Variants in BTBD8 observed in about 807,000 individuals in gnomAD.
BTBD8 encodes the protein BTB domain containing 8, also known as BTB/POZ domain-containing protein 8.
Under a neutral mutation model 162.9 loss-of-function variants are expected in BTBD8, and 110 were observed. The observed-to-expected ratio is 0.68, with a 90% CI of 0.58 to 0.79. BTBD8 has a LOEUF of 0.79. BTBD8 is among the 30% of genes least tolerant of loss of function. BTBD8 has a pLI of 0.00. For missense variants in BTBD8, 1,905 were observed against 2,085.4 expected, an observed-to-expected ratio of 0.91 and a Z score of 1.68; for synonymous variants, 667 against 716.1, an observed-to-expected ratio of 0.93 and a Z score of 1.10.
At position 92,184,144 on chromosome 1, in the gene BTBD8, G is replaced by A; in HGVS notation, c.5193G>A (p.Gln1731=). Residue 1731 remains glutamine, a synonymous_variant, in exon 18 of 18, where the codon CAG becomes CAA. Transcript: ENST00000636805. ...GTTTAGCACAGTATCTAATCAATCA[G>A]ACACTACTTTTAGCACGAGATAGCT... is the stretch of plus-strand genomic sequence containing the variant. ...DLSLAQYLIN[Q]TLLLARDSSK... 1 of 1,551,604 alleles carries A rather than the reference G, an allele frequency of 6.4e-7. No homozygotes were observed. The highest frequency in any genetic ancestry group is 2.4e-5 in the East Asian group (1 of 40,914).
chr1:92,139,353 A>C lies in BTBD8; in HGVS notation c.756A>C (p.Ile252=), dbSNP rs1448025962. 3.2e-6 allele frequency: 5 copies of C among 1,573,498 alleles called. No individual in the cohort carries two copies. Among genetic ancestry groups the C allele is most frequent in the Non-Finnish European group, 4.3e-6 (5 of 1,168,698 alleles). Residue 252 remains isoleucine (I), a synonymous_variant, in exon 6 of 18, where the codon ATA becomes ATC. Coordinates refer to ENST00000636805, the MANE Select transcript of BTBD8 (RefSeq NM_001376131.1). ...SSQEYVTLQG[I]SHVELNVMMH... ...TGAGTTTTCTTTTATTTTTCAGTAT[A>C]AGCCATGTAGAACTGAATGTTATGA...
intron 5 of BTBD8, among the ~76,000 whole-genome samples, chr1:92,132,193 C>T (rs781675994): frequency 1.3e-4 from 20 of 152,148 alleles, no homozygotes; most frequent in Non-Finnish European, 2.8e-4. Context: ...AAACACATGG[C>T]ATAGGATTGG....
At chr1:92,111,857 T>G (rs1453098360) in intron 4 of BTBD8, among the ~76,000 whole-genome samples, 1 of 152,176 alleles carries the variant, frequency 6.6e-6, no homozygotes, top group East Asian at 1.9e-4. Context: ...ATGGCCTAAA[T>G]GTGGTTAAGT....
chr1:92,167,523 A>G (rs1215091425), intron 10 of BTBD8, among the ~76,000 whole-genome samples: 1 of 152,250 alleles, frequency 6.6e-6, no homozygotes, highest in African/African-American at 2.4e-5. Flanking sequence ...TTCACAGAAT[A>G]ACTCCTATTG....
chr1:92,144,163 G>A (rs1381330763), intron 7 of BTBD8, among the ~76,000 whole-genome samples: 5 of 150,666 alleles, frequency 3.3e-5, no homozygotes, highest in Non-Finnish European at 7.4e-5. Flanking sequence ...TAGTAGAGAC[G>A]GGGTTTTATC....
chr1:92,108,104 C>G (rs1169754791), intron 4 of BTBD8, 103 bp downstream of exon 4: 3 of 1,087,280 alleles, frequency 2.8e-6, no homozygotes, highest in African/African-American at 1.6e-5. Context: ...GGTTTTCACA[C>G]AGGCCACAGG....
chr1:92,145,724 G>A (rs976917710), intron 7 of BTBD8, among the ~76,000 whole-genome samples: 5 of 152,230 alleles, frequency 3.3e-5, no homozygotes, highest in African/African-American at 9.6e-5. Flanking sequence ...GCTCACGCCT[G>A]TAATCCCAGC....
chr1:92,080,686 A>G lies in BTBD8; in HGVS notation c.115A>G (p.Thr39Ala), dbSNP rs780853645. The change falls in exon 1 of 18, where the codon ACG (threonine) becomes GCG (alanine). Residue 39 changes from threonine (T) to alanine (A), a missense_variant. Thr to Ala is a moderately conservative substitution (Grantham distance 58). Transcript: ENST00000636805. The part of the protein sequence containing the change: ...GPCERRRLKA[T>A]VSEQLSQDLL... ...GTGTGAGCGGCGCCGGCTGAAGGCG[A>G]CGGTGTCGGAGCAGCTCAGCCAGGA... is the stretch of plus-strand genomic sequence containing the variant. 236 of 1,612,654 alleles carry G rather than the reference A, an allele frequency of 1.5e-4. No homozygotes were observed. The highest frequency in any genetic ancestry group is 1.9e-4 in the Non-Finnish European group (226 of 1,179,530).
At chr1:92,123,355 T>G (rs959071840) in intron 4 of BTBD8, among the ~76,000 whole-genome samples, 75 of 152,218 alleles carry the variant, frequency 4.9e-4, no homozygotes, top group African/African-American at 1.7e-3. Context: ...TCGTAGACAT[T>G]TTAGAATCAA....
Position 92,101,128 on chromosome 1 carries a change from C to G in BTBD8, c.348-1345C>G, listed in dbSNP as rs146999178. Among the ~76,000 whole-genome samples the G allele has an allele frequency of 3.5e-4, 54 of 152,248 alleles. 1 individual carries two copies. In the East Asian group the frequency reaches 0.01, roughly 29 times the overall value. ...ATTGTCCATTGTATCATTCTTATGTCTTTGCATCCTCATAGCTTAGCTCCC... is the reference window on the plus strand; with the variant it reads ...ATTGTCCATTGTATCATTCTTATGTGTTTGCATCCTCATAGCTTAGCTCCC... On this transcript the variant is annotated intron_variant, in intron 2 of 17. Coordinates refer to ENST00000636805, the MANE Select transcript of BTBD8 (RefSeq NM_001376131.1).
chr1:92,162,010 T>G (rs549008172), intron 9 of BTBD8, among the ~76,000 whole-genome samples: 2 of 152,306 alleles, frequency 1.3e-5, no homozygotes, highest in African/African-American at 4.8e-5. Flanking sequence ...TCTTTTGTTT[T>G]CTAGTGCTGA....
chr1:92,162,749 G>T (rs1010057621), intron 9 of BTBD8, among the ~76,000 whole-genome samples: 1 of 152,074 alleles, frequency 6.6e-6, no homozygotes, highest in Non-Finnish European at 1.5e-5. Context: ...CAAATAAACT[G>T]CATATAAGCC....
intron 12 of BTBD8, among the ~76,000 whole-genome samples, chr1:92,169,242 A>G (rs1436499981): frequency 6.6e-6 from 1 of 152,238 alleles, no homozygotes; most frequent in Non-Finnish European, 1.5e-5. Context: ...ATTAGCAACA[A>G]TGTTCTAGGC....
rs373388121 is a variant in BTBD8 at position 92,091,943 on chromosome 1, C to T, written c.347+3048C>T. Among the ~76,000 whole-genome samples the T allele has an allele frequency of 2.2e-4, 34 of 152,256 alleles. No homozygotes were observed. In the East Asian group the frequency reaches 3.7e-3, roughly 16 times the overall value. On this transcript the variant is annotated intron_variant, in intron 2 of 17. Coordinates refer to ENST00000636805, the MANE Select transcript of BTBD8 (RefSeq NM_001376131.1). ...TCCTCGGATTGTCTGGACACTCTTA[C>T]TGAAAATCAGTTGCCCATTGCTGTG...
chr1:92,102,381 T>C, intron 2 of BTBD8, 92 bp from the exon 3 acceptor site: 3 of 1,040,616 alleles, frequency 2.9e-6, no homozygotes, highest in South Asian at 3.0e-5. Flanking sequence ...TTTAATATTA[T>C]ATATGAAAGT....
At position 92,107,825 on chromosome 1, in the gene BTBD8, C is replaced by A. The variant is rs961628214; in HGVS notation, c.545-59C>A. The stretch of plus-strand genomic sequence containing the variant: ...GAAACCTCTTGATAATAATAGAAAA[C>A]AATTTTTGGACGTTTGTAATATTAA... On this transcript the variant is annotated intron_variant, in intron 3 of 17. Transcript: ENST00000636805. 19 of 1,391,446 alleles carry A rather than the reference C, an allele frequency of 1.4e-5. No homozygotes were observed. In the African/African-American group the frequency reaches 2.5e-4, roughly 18 times the overall value. 86.2% of individuals were successfully genotyped at this position (1,391,446 alleles called of 1,614,324 possible). A position where few individuals can be genotyped will look rare whatever the true frequency, so the allele number is the denominator to read the frequency against.
intron 4 of BTBD8, among the ~76,000 whole-genome samples, chr1:92,110,267 A>G (rs1487417797): frequency 6.6e-6 from 1 of 152,160 alleles, no homozygotes; most frequent in Non-Finnish European, 1.5e-5. Context: ...GACTGTGGGG[A>G]CAATCTGCAT....
At chr1:92,090,819 C>T (rs1415265860) in intron 2 of BTBD8, among the ~76,000 whole-genome samples, 1 of 152,160 alleles carries the variant, frequency 6.6e-6, no homozygotes, top group Non-Finnish European at 1.5e-5. Flanking sequence ...GTAATCCCAG[C>T]TACCTGGGAA....
At position 92,176,885 on chromosome 1, in the gene BTBD8, TAAC is replaced by T. The variant is rs1650727333; in HGVS notation, c.1695_1697del (p.Asn565del). The stretch of plus-strand genomic sequence containing the variant: ...TAAAAATCAAATCTTGGAGGGGAAA[TAAC>T]AAGAAAGAGTGTTGGAGTTATCTCT... On this transcript the variant is annotated inframe_deletion, in exon 14 of 18. Coordinates refer to ENST00000636805, the MANE Select transcript of BTBD8 (RefSeq NM_001376131.1). 2 of 1,495,034 alleles carry T rather than the reference TAAC, an allele frequency of 1.3e-6. No individual in the cohort carries two copies. The highest frequency in any genetic ancestry group is 1.4e-5 in the African/African-American group (1 of 70,456). 92.6% of individuals were successfully genotyped at this position (1,495,034 alleles called of 1,614,324 possible). A position where few individuals can be genotyped will look rare whatever the true frequency, so the allele number is the denominator to read the frequency against.
Sources: allele counts gnomAD v4.1 joint callset (sites outside exome capture counted in the v4.1 genomes callset), GRCh38; gene constraint gnomAD v4.1.1; transcripts MANE v1.5; gene names NCBI Gene and HGNC (gene_info 2026-07-23, HGNC 2026-07-21).